QTGAL: variants seen among roughly 807,000 people sequenced by gnomAD.
The protein encoded by QTGAL is BGnT-like protein 1.
At chr17:82,981,786 G>A in the QTGAL span, 1 of 152,232 alleles carries the variant, frequency 6.6e-6, no homozygotes, top group African/African-American at 2.4e-5. Context: ...AGAGCCTACT[G>A]TTGACCGGAT....
chr17:83,004,982 A>T, the QTGAL span: 1 of 653,314 alleles, frequency 1.5e-6, no homozygotes, highest in South Asian at 2.2e-5. Flanking sequence ...GATTGATGGC[A>T]TGTGAGTGAA....
the QTGAL span, among the ~76,000 whole-genome samples, chr17:82,966,461 T>G: frequency 1.3e-5 from 2 of 152,174 alleles, no homozygotes; most frequent in African/African-American, 4.8e-5. Context: ...ATTTCAAGAT[T>G]TACTACAAAG....
At chr17:83,015,636 G>A in the QTGAL span, among the ~76,000 whole-genome samples, 1 of 152,224 alleles carries the variant, frequency 6.6e-6, no homozygotes, top group South Asian at 2.1e-4. This position sits in a 1 kb window ranked among gnomAD's most constrained non-coding sequence, Gnocchi z 4.4. Context: ...GGGGAAGCGG[G>A]CTGGTGCCGC....
the QTGAL span, among the ~76,000 whole-genome samples, chr17:82,995,160 T>C: frequency 6.6e-6 from 1 of 152,176 alleles, no homozygotes; most frequent in Non-Finnish European, 1.5e-5. Context: ...ACCACTGTTA[T>C]TCAACATTGT....
the QTGAL span, chr17:82,957,410 GCCAGCGTT>G: frequency 1.2e-6 from 2 of 1,613,036 alleles, no homozygotes; most frequent in South Asian, 2.2e-5. Context: ...GCCCCTGCTT[GCCAGCGTT>G]CCAGATGGTG....
chr17:82,955,769 CGG>C, the QTGAL span, among the ~76,000 whole-genome samples: 2 of 152,190 alleles, frequency 1.3e-5, no homozygotes, highest in South Asian at 4.1e-4. Context: ...CAATGATACA[CGG>C]GATAAAGAAA....
the QTGAL span, chr17:83,048,903 C>T: frequency 2.6e-6 from 2 of 766,496 alleles, no homozygotes; most frequent in Non-Finnish European, 4.6e-6. Flanking sequence ...AAGGTGTCCA[C>T]TCCTTTTCTC....
chr17:83,007,191 G>C, the QTGAL span: 1 of 980,202 alleles, frequency 1.0e-6, no homozygotes, highest in Non-Finnish European at 1.2e-6. Context: ...ATATGCTGCT[G>C]AATTCTATCT....
chr17:83,019,543 T>G, the QTGAL span, among the ~76,000 whole-genome samples: 1 of 152,052 alleles, frequency 6.6e-6, no homozygotes, highest in South Asian at 2.1e-4. Flanking sequence ...GGGCGGGCAA[T>G]GGGCTGTTTC....
At chr17:82,957,321 G>C in the QTGAL span, 1 of 1,613,794 alleles carries the variant, frequency 6.2e-7, no homozygotes, top group African/African-American at 1.3e-5. Context: ...CAGTACGGGG[G>C]CAGGGCAGGC....
At chr17:82,965,281 G>T in the QTGAL span, among the ~76,000 whole-genome samples, 1 of 151,280 alleles carries the variant, frequency 6.6e-6, no homozygotes, top group Non-Finnish European at 1.5e-5. Context: ...GTGCACCCCC[G>T]GGGGGAGGAT....
At chr17:83,012,925 TCCCACC>T in the QTGAL span, among the ~76,000 whole-genome samples, 169 of 150,414 alleles carry the variant, frequency 1.1e-3, 1 homozygote, top group African/African-American at 4.0e-3. Context: ...GGGCCCCCCG[TCCCACC>T]CGACAAGCAG....
At chr17:82,943,624 CACAAGACCAGGACT>C in the QTGAL span, 1 of 152,208 alleles carries the variant, frequency 6.6e-6, no homozygotes, top group Non-Finnish European at 1.5e-5. Context: ...TCACCAGGAC[CACAAGACCAGGACT>C]GTGACAGTCC....
chr17:82,972,585 AC>A, the QTGAL span, among the ~76,000 whole-genome samples: 1 of 124,564 alleles, frequency 8.0e-6, no homozygotes, highest in Admixed American at 7.7e-5. Flanking sequence ...ACACCACACC[AC>A]GGGCCAGAAG....
the QTGAL span, among the ~76,000 whole-genome samples, chr17:82,990,425 G>A: frequency 1.6e-3 from 248 of 152,376 alleles, no homozygotes; most frequent in Admixed American, 4.2e-3. Context: ...TCGTAGGCAA[G>A]AGACTCAACT....
chr17:82,988,063 C>T, the QTGAL span, among the ~76,000 whole-genome samples: 1 of 152,164 alleles, frequency 6.6e-6, no homozygotes, highest in Non-Finnish European at 1.5e-5. Context: ...CATGATTTAG[C>T]TCTCTGCTTG....
the QTGAL span, among the ~76,000 whole-genome samples, chr17:82,970,669 C>CGGCGTGGCCGCG: frequency 8.6e-5 from 12 of 139,018 alleles, 2 homozygotes; most frequent in African/African-American, 3.3e-4. Context: ...CCTCCGCACC[C>CGGCGTGGCCGCG]AGCGTGGCCG....
chr17:83,041,528 C>CA, the QTGAL span, among the ~76,000 whole-genome samples: 1 of 152,202 alleles, frequency 6.6e-6, no homozygotes. Context: ...AAGAGACCCT[C>CA]AGTAAGATTA....
At chr17:82,956,275 G>A in the QTGAL span, among the ~76,000 whole-genome samples, 2 of 152,228 alleles carry the variant, frequency 1.3e-5, no homozygotes, top group African/African-American at 4.8e-5. The surrounding 1 kb of genome is among the most constrained non-coding windows in gnomAD (Gnocchi z 5.7). Context: ...GCCCACCCCA[G>A]GCAAGGGTCG....
Sources: allele counts gnomAD v4.1 joint callset (sites outside exome capture counted in the v4.1 genomes callset), GRCh38; gene constraint gnomAD v4.1.1; non-coding constraint Gnocchi (gnomAD v3.1); transcripts MANE v1.5; gene names NCBI Gene and HGNC (gene_info 2026-07-23, HGNC 2026-07-21).